Variants in OSMR observed in about 807,000 individuals in gnomAD.
OSMR encodes the protein oncostatin-M-specific receptor subunit beta.
A neutral mutation model predicts 99.9 loss-of-function variants in OSMR; 81 were observed. That is an observed-to-expected ratio of 0.81 (90% CI 0.68 to 0.97). The LOEUF (loss-of-function observed/expected upper bound fraction) is 0.97, where lower values mean the gene tolerates loss of function less well. Ranked by LOEUF, OSMR falls within the 50% of genes least tolerant of loss-of-function variation. The pLI, the probability that OSMR is intolerant of heterozygous loss-of-function variation, is 0.00. For synonymous variants in OSMR, 406 were observed against 410.4 expected (o/e 0.99, Z 0.13); for missense variants, 1,099 against 1,153.4 (o/e 0.95, Z 0.68).
rs768601518 is a variant in OSMR, at chr5:38,885,411, A to G, written c.766A>G (p.Thr256Ala). The change falls in exon 6 of 18, where the codon ACT becomes GCT. Residue 256 changes from threonine (T) to alanine (A), a missense_variant. Transcript: ENST00000274276. ...CGAGGACTTCAAGACTTTGCACTGT[A>G]CTTGGGATCCTGGGACGGACACTGC... Reference protein sequence around the residue: ...ETEDFKTLHCTWDPGTDTALG... With the variant: ...ETEDFKTLHCAWDPGTDTALG... 6 of 1,613,806 alleles carry G rather than the reference A, an allele frequency of 3.7e-6. No homozygotes were observed. In the African/African-American group the frequency reaches 8.0e-5, roughly 22 times the overall value.
rs558741349 is a variant in OSMR at position 38,880,041 on chromosome 5, A to G, written c.247-1552A>G. 2.1e-4 allele frequency among the ~76,000 whole-genome samples: 32 copies of G among 152,334 alleles called. No homozygotes were observed. In the South Asian group the frequency reaches 6.4e-3, roughly 31 times the overall value. On this transcript the variant is annotated intron_variant, in intron 3 of 17. Coordinates refer to ENST00000274276, the MANE Select transcript of OSMR (RefSeq NM_003999.3). ...GAGTAAAGTAATGCAAGAAATGGAA[A>G]TAAAATATAAACATTTAAAAAAACA...
chr5:38,921,652 T>G lies in OSMR; in HGVS notation c.1623T>G (p.Gly541=). 2 of 1,613,936 alleles carry G rather than the reference T, an allele frequency of 1.2e-6. No individual in the cohort carries two copies. Among genetic ancestry groups the G allele is most frequent in the Non-Finnish European group, 1.7e-6 (2 of 1,179,856 alleles). Reference sequence around the variant, plus strand: ...AAGAAAGAATTGCAGGCACAGAGGGTGGATTCTCTCTGTCTTGGAAACCCC... The same window carrying G: ...AAGAAAGAATTGCAGGCACAGAGGGGGGATTCTCTCTGTCTTGGAAACCCC... ...VEEERIAGTE[G]GFSLSWKPQP... Residue 541 remains glycine, a synonymous_variant, in exon 12 of 18, where the codon GGT becomes GGG. Transcript: ENST00000274276.
chr5:38,890,455 AT>A (rs1484031327), intron 7 of OSMR, among the ~76,000 whole-genome samples: 1 of 152,062 alleles, frequency 6.6e-6, no homozygotes, highest in Non-Finnish European at 1.5e-5. Context: ...TTCTTTTTAG[AT>A]TTTCAGTCTT....
intron 15 of OSMR, among the ~76,000 whole-genome samples, chr5:38,927,453 G>A (rs1272844538): frequency 6.6e-6 from 1 of 152,232 alleles, no homozygotes; most frequent in Non-Finnish European, 1.5e-5. Flanking sequence ...TGACTTCTGT[G>A]CACCCACAGG....
rs928651192 is a variant in OSMR at position 38,905,620 on chromosome 5, G to A, written c.1285+1117G>A. On this transcript the variant is annotated intron_variant, in intron 9 of 17. Transcript: ENST00000274276. ...TTATGATCCTCATTTTATGCCAGAG[G>A]ATATCAGGGCACAGAAAGATTAAGT... Among the ~76,000 whole-genome samples, 4 of 152,158 alleles carry A rather than the reference G, an allele frequency of 2.6e-5. No homozygotes were observed. In the East Asian group the frequency reaches 5.8e-4, roughly 22 times the overall value.
rs1156598055 is a variant in OSMR, at chr5:38,934,688, A to AGAG, written c.*1245_*1247dup. 6.6e-6 allele frequency: 1 copy of AGAG among 151,990 alleles called. No individual in the cohort carries two copies. Among genetic ancestry groups the AGAG allele is most frequent in the Non-Finnish European group, 1.5e-5 (1 of 68,008 alleles). 9.4% of individuals were successfully genotyped at this position (151,990 alleles called of 1,614,324 possible). A position where few individuals can be genotyped will look rare whatever the true frequency, so the allele number is the denominator to read the frequency against. On this transcript the variant is annotated 3_prime_UTR_variant, in exon 18 of 18. Transcript: ENST00000274276. ...CCTGACTAGTTTTTATATTTTTAGT[A>AGAG]GAGATTGGGTTTTACCATATTGGCC...
At chr5:38,873,300 G>C (rs537458468) in intron 2 of OSMR, among the ~76,000 whole-genome samples, 9 of 152,146 alleles carry the variant, frequency 5.9e-5, no homozygotes, top group Non-Finnish European at 1.2e-4. Flanking sequence ...ACAGTCCTTC[G>C]TGTGTGTATA....
At chr5:38,925,041 G>T (rs1219268186) in intron 14 of OSMR, 163 bp from the exon 15 acceptor site, 1 of 981,378 alleles carries the variant, frequency 1.0e-6, no homozygotes, top group Non-Finnish European at 1.2e-6. Flanking sequence ...TACCTGGTGT[G>T]CCCATGGTGA....
At chr5:38,926,921 G>T (rs914566998) in intron 15 of OSMR, among the ~76,000 whole-genome samples, 1 of 152,212 alleles carries the variant, frequency 6.6e-6, no homozygotes, top group Non-Finnish European at 1.5e-5. Flanking sequence ...TACAATGGGA[G>T]TACAGGCATT....
chr5:38,899,889 C>T (rs906145290), intron 7 of OSMR, among the ~76,000 whole-genome samples: 3 of 152,190 alleles, frequency 2.0e-5, no homozygotes, highest in Admixed American at 2.0e-4. Flanking sequence ...GCAGGGGTGG[C>T]ACAAACACTC....
At chr5:38,924,232 T>C in intron 13 of OSMR, 190 bp from the exon 14 acceptor site, 1 of 820,104 alleles carries the variant, frequency 1.2e-6, no homozygotes, top group Non-Finnish European at 1.5e-6. Context: ...ACAAGATTGC[T>C]CAACTCCTTC....
intron 7 of OSMR, among the ~76,000 whole-genome samples, chr5:38,902,964 G>T (rs1744991617): frequency 6.6e-6 from 1 of 152,104 alleles, no homozygotes; most frequent in East Asian, 1.9e-4. Flanking sequence ...TGTATGTGTG[G>T]CCTGTGTCTC....
chr5:38,872,922 G>T (rs1377294570), intron 2 of OSMR, among the ~76,000 whole-genome samples: 1 of 152,186 alleles, frequency 6.6e-6, no homozygotes, highest in Non-Finnish European at 1.5e-5. Context: ...CAATTTCTGT[G>T]TTATGCCAGC....
chr5:38,881,411 C>T, intron 3 of OSMR, 182 bp from the exon 4 acceptor site: 1 of 904,332 alleles, frequency 1.1e-6, no homozygotes, highest in South Asian at 5.1e-5. Context: ...GGCAGGAGGT[C>T]ATAGCTGGCT....
chr5:38,938,090 T>C (rs1171727462), downstream of OSMR: 5 of 207,482 alleles, frequency 2.4e-5, no homozygotes, highest in East Asian at 2.2e-4. Flanking sequence ...CTTATTTAAA[T>C]TATACACAAC....
intron 7 of OSMR, among the ~76,000 whole-genome samples, chr5:38,899,340 G>A (rs1024876711): frequency 6.6e-6 from 1 of 152,102 alleles, no homozygotes; most frequent in African/African-American, 2.4e-5. Context: ...GGGCTCCTCT[G>A]TGTCCCAGGT....
intron 6 of OSMR, 24 bp from the exon 7 acceptor site, chr5:38,886,015 T>C (rs537870680): frequency 1.9e-6 from 3 of 1,611,882 alleles, no homozygotes; most frequent in Admixed American, 1.7e-5. Context: ...GTAATGGTTG[T>C]GTTATTTTGT....
At chr5:38,910,463 A>G (rs375091151) in intron 9 of OSMR, among the ~76,000 whole-genome samples, 63 of 152,330 alleles carry the variant, frequency 4.1e-4, no homozygotes, top group East Asian at 1.5e-3. Context: ...AATTAGACAT[A>G]AAACAATCCT....
chr5:38,922,754 C>T lies in OSMR; in HGVS notation c.1766-396C>T, dbSNP rs571996595. ...TCCTGAAAGCCAATTATTAGGGGAGCACAAATTTATTTTTCATTCTTTTTT... is the reference window on the plus strand; with the variant it reads ...TCCTGAAAGCCAATTATTAGGGGAGTACAAATTTATTTTTCATTCTTTTTT... On this transcript the variant is annotated intron_variant, in intron 12 of 17. Transcript: ENST00000274276. 7.2e-5 allele frequency among the ~76,000 whole-genome samples: 11 copies of T among 152,170 alleles called. No homozygotes were observed. In the South Asian group the frequency reaches 2.3e-3, roughly 32 times the overall value.
Sources: allele counts gnomAD v4.1 joint callset (sites outside exome capture counted in the v4.1 genomes callset), GRCh38; gene constraint gnomAD v4.1.1; transcripts MANE v1.5; gene names NCBI Gene and HGNC (gene_info 2026-07-23, HGNC 2026-07-21).